The following TAFA1 variants were observed in gnomAD, a reference collection of about 807,000 sequenced individuals.
TAFA1 encodes TAFA chemokine like family member 1.
In TAFA1, 4 loss-of-function variants were observed where a neutral mutation model predicts 18.5. The ratio of observed to expected loss-of-function variants is 0.22; its 90% confidence interval spans 0.11 to 0.49. The LOEUF is 0.49. TAFA1 is among the 20% of genes least tolerant of loss of function. The pLI, the probability that TAFA1 is intolerant of heterozygous loss-of-function variation, is 0.98. For missense variants in TAFA1, 147 were observed against 169.0 expected (o/e 0.87, Z 0.72); for synonymous variants, 56 against 55.2 (o/e 1.01, Z -0.06).
At chr3:68,158,689 G>T (rs767256252) in intron 2 of TAFA1, among the ~76,000 whole-genome samples, 31 of 152,164 alleles carry the variant, frequency 2.0e-4, no homozygotes, top group Admixed American at 7.2e-4. Context: ...AGATGAGAAG[G>T]CCTCACTTTG....
At chr3:68,388,185 A>T (rs2070145430) in intron 2 of TAFA1, among the ~76,000 whole-genome samples, 1 of 152,116 alleles carries the variant, frequency 6.6e-6, no homozygotes, top group South Asian at 2.1e-4. Flanking sequence ...GAAAAATAAC[A>T]ATTTTTACCA....
intron 2 of TAFA1, among the ~76,000 whole-genome samples, chr3:68,339,863 G>A (rs1404867758): frequency 6.6e-6 from 1 of 152,162 alleles, no homozygotes; most frequent in Admixed American, 6.6e-5. Context: ...GATTTGTAAG[G>A]TGTAAATATT....
chr3:68,066,604 C>G (rs1395399340), intron 2 of TAFA1, among the ~76,000 whole-genome samples: 1 of 152,004 alleles, frequency 6.6e-6, no homozygotes, highest in Non-Finnish European at 1.5e-5. Flanking sequence ...ACAGAATAAC[C>G]AGGTAGAAGG....
At chr3:68,267,224 A>C in intron 2 of TAFA1, among the ~76,000 whole-genome samples, 1 of 152,144 alleles carries the variant, frequency 6.6e-6, no homozygotes, top group Non-Finnish European at 1.5e-5. Context: ...AAAACATCAC[A>C]TTGTACCCCC....
intron 2 of TAFA1, among the ~76,000 whole-genome samples, chr3:68,055,989 G>A (rs572760395): frequency 6.6e-6 from 1 of 152,094 alleles, no homozygotes; most frequent in Non-Finnish European, 1.5e-5. Flanking sequence ...GCTCACTTGA[G>A]CCTGTCATTT....
intron 2 of TAFA1, among the ~76,000 whole-genome samples, chr3:68,245,199 C>A (rs763324270): frequency 3.9e-5 from 6 of 152,214 alleles, no homozygotes; most frequent in Non-Finnish European, 8.8e-5. Flanking sequence ...TGGTAGTCTT[C>A]ATCCTGAATC....
intron 3 of TAFA1, among the ~76,000 whole-genome samples, chr3:68,434,853 C>G (rs996808367): frequency 6.6e-6 from 1 of 152,088 alleles, no homozygotes; most frequent in African/African-American, 2.4e-5. Flanking sequence ...AATACTACCT[C>G]CTGTCGAAAC....
chr3:68,394,404 C>G (rs1249957270), intron 2 of TAFA1, among the ~76,000 whole-genome samples: 1 of 152,042 alleles, frequency 6.6e-6, no homozygotes, highest in Non-Finnish European at 1.5e-5. Flanking sequence ...TCAATGCTAT[C>G]CCAATCAAAC....
chr3:68,067,839 A>G (rs988476215), intron 2 of TAFA1, among the ~76,000 whole-genome samples: 11 of 152,062 alleles, frequency 7.2e-5, no homozygotes, highest in Non-Finnish European at 1.5e-4. Context: ...GTTGAATGAG[A>G]CTCTGTCCCT....
rs34030223 is a variant in TAFA1, at chr3:68,498,722, C to CTTTTTTTTTTTTTT, written c.260-40012_260-39999dup. ...AATTCCTCCCAAAGCCGTTTGGTGG[C>CTTTTTTTTTTTTTT]TTTTTTTTTTTTTTTTTTTTTTTTT... On this transcript the variant is annotated intron_variant, in intron 3 of 4. Coordinates refer to ENST00000478136, the MANE Select transcript of TAFA1 (RefSeq NM_213609.4). 8.2e-5 allele frequency among the ~76,000 whole-genome samples: 8 copies of CTTTTTTTTTTTTTT among 97,034 alleles called. 1 individual carries two copies. The highest frequency in any genetic ancestry group is 3.0e-4 in the East Asian group (1 of 3,370). 63.7% of individuals were successfully genotyped at this position (97,034 alleles called of 152,430 possible).
chr3:68,151,193 C>T (rs776301571), intron 2 of TAFA1, among the ~76,000 whole-genome samples: 4 of 152,172 alleles, frequency 2.6e-5, no homozygotes, highest in African/African-American at 4.8e-5. Context: ...ATAACTGTTA[C>T]ACAAGCTGCA....
At chr3:68,384,713 A>G (rs1177982877) in intron 2 of TAFA1, among the ~76,000 whole-genome samples, 1 of 152,030 alleles carries the variant, frequency 6.6e-6, no homozygotes, top group African/African-American at 2.4e-5. Context: ...CAAGTCCTGA[A>G]TAACTTTTTG....
intron 2 of TAFA1, among the ~76,000 whole-genome samples, chr3:68,030,166 A>T (rs1272560711): frequency 3.9e-5 from 6 of 152,246 alleles, no homozygotes; most frequent in African/African-American, 9.6e-5. Context: ...GACATTATTA[A>T]TAATGGCAAA....
intron 2 of TAFA1, among the ~76,000 whole-genome samples, chr3:68,078,851 T>C (rs2064859925): frequency 6.6e-6 from 1 of 152,216 alleles, no homozygotes; most frequent in African/African-American, 2.4e-5. Context: ...GGATTCCCTC[T>C]TTTTCTATTG....
At chr3:68,391,896 T>G (rs1186170014) in intron 2 of TAFA1, among the ~76,000 whole-genome samples, 2 of 152,152 alleles carry the variant, frequency 1.3e-5, no homozygotes, top group Non-Finnish European at 2.9e-5. Flanking sequence ...TACCAGCCAC[T>G]GCAAAAGCAT....
At chr3:68,390,035 G>C (rs1025659747) in intron 2 of TAFA1, among the ~76,000 whole-genome samples, 3 of 152,180 alleles carry the variant, frequency 2.0e-5, no homozygotes, top group South Asian at 2.1e-4. Context: ...GGGGGGTGAA[G>C]CAAGGAAGGT....
Position 68,180,012 on chromosome 3 carries a change from T to TTTATTTTTATTA in TAFA1, c.118+173273_118+173274insTTTATTATTATT, listed in dbSNP as rs1553649127. 2.9e-5 allele frequency among the ~76,000 whole-genome samples: 4 copies of TTTATTTTTATTA among 140,322 alleles called. 1 individual carries two copies. In the East Asian group the frequency reaches 8.2e-4, roughly 29 times the overall value. 92.1% of individuals were successfully genotyped at this position (140,322 alleles called of 152,430 possible). ...TTCTTTCCTGCCTATAACACATAATTTTATTATTATTATTATTATTATTAT... is the reference window on the plus strand; with the variant it reads ...TTCTTTCCTGCCTATAACACATAATTTTATTTTTATTATTATTATTATTATTATTATTATTAT... On this transcript the variant is annotated intron_variant, in intron 2 of 4. Transcript: ENST00000478136.
At chr3:68,386,270 G>T (rs1374514103) in intron 2 of TAFA1, among the ~76,000 whole-genome samples, 1 of 152,254 alleles carries the variant, frequency 6.6e-6, no homozygotes, top group African/African-American at 2.4e-5. Flanking sequence ...ACTAACAAAT[G>T]ACACAGCTGG....
chr3:68,431,260 T>C (rs1021992473), intron 3 of TAFA1, among the ~76,000 whole-genome samples: 2 of 151,898 alleles, frequency 1.3e-5, no homozygotes, highest in Admixed American at 6.6e-5. Flanking sequence ...CAAGTCCTGC[T>C]CCCTTTAAAA....
Sources: gnomAD v4.1 joint callset for allele counts (sites outside exome capture counted in the v4.1 genomes callset) on GRCh38, gnomAD v4.1.1 for gene constraint, MANE v1.5 for transcripts, NCBI Gene and HGNC (gene_info 2026-07-23, HGNC 2026-07-21) for gene names.